USPL1: variants seen among roughly 807,000 people sequenced by gnomAD.
The protein encoded by USPL1 is ubiquitin specific peptidase like 1, also known as SUMO-specific isopeptidase USPL1.
Under a neutral mutation model 51.5 loss-of-function variants are expected in USPL1, and 27 were observed. That is an observed-to-expected ratio of 0.52 (90% CI 0.39 to 0.72). The LOEUF (loss-of-function observed/expected upper bound fraction) is 0.72. Ranked by LOEUF, USPL1 falls within the 30% of genes least tolerant of loss-of-function variation. USPL1 has a pLI of 0.00. For missense variants in USPL1, 1,226 were observed against 1,268.0 expected (o/e 0.97, Z 0.50); for synonymous variants, 451 against 459.6 (o/e 0.98, Z 0.24).
chr13:30,628,325 G>A (rs1950752718), intron 3 of USPL1, among the ~76,000 whole-genome samples: 1 of 152,054 alleles, frequency 6.6e-6, no homozygotes. Context: ...TTGTAGCATG[G>A]ATGAATATAC....
chr13:30,657,223 G>A (rs745447488), intron 8 of USPL1, among the ~76,000 whole-genome samples: 3 of 152,136 alleles, frequency 2.0e-5, no homozygotes, highest in Admixed American at 1.3e-4. Flanking sequence ...AAACATATAT[G>A]TATGAAACAT....
Position 30,646,983 on chromosome 13 carries a change from A to G in USPL1, c.1164A>G (p.Pro388=). Residue 388 remains proline (P), a synonymous_variant, in exon 7 of 9, where the codon CCA becomes CCG. Coordinates refer to ENST00000255304, the MANE Select transcript of USPL1 (RefSeq NM_005800.5). ...TFTNVIPEWH[P]LNAAHFGPCN... is the part of the protein sequence containing the mutation. ...CAAATGTCATCCCTGAGTGGCACCC[A>G]CTTAATGCTGCCCATTTTGGTCCAT... is the stretch of plus-strand genomic sequence containing the variant. 1 of 1,614,028 alleles carries G rather than the reference A, an allele frequency of 6.2e-7. No homozygotes were observed. The highest frequency in any genetic ancestry group is 8.5e-7 in the Non-Finnish European group (1 of 1,179,906).
chr13:30,623,808 T>A (rs977614087), intron 3 of USPL1, among the ~76,000 whole-genome samples: 1 of 152,094 alleles, frequency 6.6e-6, no homozygotes, highest in Non-Finnish European at 1.5e-5. Flanking sequence ...AAGATTTGGA[T>A]TTAATGAGTG....
rs372178207 is a variant in USPL1, at chr13:30,630,870, C to A, written c.264C>A (p.Asn88Lys). The A allele has an allele frequency of 8.8e-5, 142 of 1,612,428 alleles. No homozygotes were observed. The highest frequency in any genetic ancestry group is 1.1e-4 in the Non-Finnish European group (133 of 1,179,490). Reference sequence around the variant, plus strand: ...CTTTGGGCTCTAAATCACTTAATAACCTAATTTCTCCTGATTTGGAAGAAT... The same window carrying A: ...CTTTGGGCTCTAAATCACTTAATAAACTAATTTCTCCTGATTTGGAAGAAT... The part of the protein sequence containing the change: ...IYPLGSKSLN[N>K]LISPDLEECH... The change falls in exon 4 of 9, where the codon AAC becomes AAA. Residue 88 changes from asparagine to lysine, a missense_variant. Asn to Lys is a moderately conservative substitution (Grantham distance 94). Transcript: ENST00000255304.
At chr13:30,641,737 C>G (rs377067004) in intron 5 of USPL1, among the ~76,000 whole-genome samples, 1 of 152,178 alleles carries the variant, frequency 6.6e-6, no homozygotes, top group Non-Finnish European at 1.5e-5. Context: ...TTAAGAAGAA[C>G]GGTAGATGAA....
At chr13:30,653,910 G>A (rs1951125106) in intron 8 of USPL1, among the ~76,000 whole-genome samples, 1 of 152,078 alleles carries the variant, frequency 6.6e-6, no homozygotes, top group Non-Finnish European at 1.5e-5. Flanking sequence ...CCATTGATAA[G>A]GGCTCACTTT....
chr13:30,637,978 C>T (rs1016279863), intron 5 of USPL1, 121 bp downstream of exon 5: 4 of 840,840 alleles, frequency 4.8e-6, no homozygotes, highest in Non-Finnish European at 5.6e-6. Context: ...GAGAGAGAAT[C>T]TGAGTAGTTT....
intron 7 of USPL1, among the ~76,000 whole-genome samples, chr13:30,649,455 TTATC>T (rs935234080): frequency 1.4e-4 from 21 of 152,238 alleles, no homozygotes; most frequent in African/African-American, 5.1e-4. Context: ...CTTGGACACC[TTATC>T]TCACATAACC....
Position 30,659,388 on chromosome 13 carries a change from TTTA to T in USPL1, c.*42_*44del, listed in dbSNP as rs1173316513. On this transcript the variant is annotated 3_prime_UTR_variant, in exon 9 of 9. Transcript: ENST00000255304. ...GCTTGTTAACTTTTTTCATATAATATTTATTATTATTAGAAGAACTTACAATGT... is the reference window on the plus strand; with the variant it reads ...GCTTGTTAACTTTTTTCATATAATATTTATTATTAGAAGAACTTACAATGT... The T allele has an allele frequency of 9.6e-6, 14 of 1,451,984 alleles. No individual in the cohort carries two copies. Among genetic ancestry groups the T allele is most frequent in the Middle Eastern group, 2.5e-4 (1 of 3,990 alleles). The allele number at this position is 1,451,984 out of a possible 1,614,324, so 89.9% of individuals were successfully genotyped here.
intron 4 of USPL1, among the ~76,000 whole-genome samples, chr13:30,635,290 T>C (rs536792584): frequency 6.6e-6 from 1 of 152,324 alleles, no homozygotes; most frequent in East Asian, 1.9e-4. Flanking sequence ...AAGTTTTGCT[T>C]TTGACATTGA....
Position 30,660,751 on chromosome 13 carries a change from A to G in USPL1, c.*1395A>G, listed in dbSNP as rs1951249334. Reference sequence around the variant, plus strand: ...AAGTGATCAATAAATCTATAAATAAATGATAGCAGAAAAAAGTTACCTGTT... The same window carrying G: ...AAGTGATCAATAAATCTATAAATAAGTGATAGCAGAAAAAAGTTACCTGTT... On this transcript the variant is annotated 3_prime_UTR_variant, in exon 9 of 9. Transcript: ENST00000255304. The G allele has an allele frequency of 6.6e-6, 1 of 152,246 alleles. No homozygotes were observed. Among genetic ancestry groups the G allele is most frequent in the Non-Finnish European group, 1.5e-5 (1 of 68,042 alleles). The allele number at this position is 152,246 out of a possible 1,614,324, so 9.4% of individuals were successfully genotyped here. A position where few individuals can be genotyped will look rare whatever the true frequency, so the allele number is the denominator to read the frequency against.
chr13:30,640,156 A>G (rs1037575375), intron 5 of USPL1, among the ~76,000 whole-genome samples: 3 of 152,208 alleles, frequency 2.0e-5, no homozygotes, highest in Admixed American at 6.5e-5. Flanking sequence ...GAGCTCTTTC[A>G]TAATATTTTA....
chr13:30,628,149 G>C (rs1242467157), intron 3 of USPL1, among the ~76,000 whole-genome samples: 1 of 150,368 alleles, frequency 6.7e-6, no homozygotes, highest in Non-Finnish European at 1.5e-5. Context: ...GCCTGCCTCA[G>C]CCTCCCAAAG....
chr13:30,645,497 T>G (rs1951006578), intron 6 of USPL1, among the ~76,000 whole-genome samples: 1 of 152,242 alleles, frequency 6.6e-6, no homozygotes, highest in African/African-American at 2.4e-5. Flanking sequence ...CCGCTTTTGT[T>G]TGCTTTTTTG....
chr13:30,632,234 T>A (rs1413564236), intron 4 of USPL1, among the ~76,000 whole-genome samples: 1 of 151,942 alleles, frequency 6.6e-6, no homozygotes, highest in Non-Finnish European at 1.5e-5. Context: ...TTTGTTCTTG[T>A]GTTAGTTTGC....
chr13:30,630,651 T>C (rs1348480215), intron 3 of USPL1, among the ~76,000 whole-genome samples, 184 bp from the exon 4 acceptor site: 1 of 152,210 alleles, frequency 6.6e-6, no homozygotes, highest in African/African-American at 2.4e-5. Flanking sequence ...AATTATTCTT[T>C]TGGAGGCCAA....
chr13:30,632,978 T>C (rs1046702116), intron 4 of USPL1, among the ~76,000 whole-genome samples: 1 of 114,744 alleles, frequency 8.7e-6, no homozygotes, highest in Non-Finnish European at 1.8e-5. Flanking sequence ...TACCTATGCG[T>C]TTCCTCCCAT....
At chr13:30,649,807 G>T (rs1200853640) in intron 7 of USPL1, among the ~76,000 whole-genome samples, 3 of 152,128 alleles carry the variant, frequency 2.0e-5, no homozygotes, top group African/African-American at 7.2e-5. Flanking sequence ...CCTAAGGATA[G>T]ATCTTTAAAT....
chr13:30,621,367 A>G, intron 2 of USPL1, 128 bp downstream of exon 2: 1 of 655,330 alleles, frequency 1.5e-6, no homozygotes, highest in African/African-American at 1.9e-5. Flanking sequence ...ATCTTACAGT[A>G]ATGGCGAAAG....
Sources: allele counts gnomAD v4.1 joint callset (sites outside exome capture counted in the v4.1 genomes callset), GRCh38; gene constraint gnomAD v4.1.1; transcripts MANE v1.5; gene names NCBI Gene and HGNC (gene_info 2026-07-23, HGNC 2026-07-21).